The following SGPP2 variants were observed in gnomAD, a reference collection of about 807,000 sequenced individuals.
SGPP2 encodes the protein sphingosine-1-phosphate phosphatase 2, also known as sphingosine 1-phosphate phosphohydrolase 2.
In SGPP2, 30 loss-of-function variants were observed where a neutral mutation model predicts 33.9. The observed-to-expected ratio is 0.89, with a 90% CI of 0.66 to 1.20. The LOEUF is 1.20. Among genes scored for constraint, SGPP2 ranks in the 50% most tolerant of loss-of-function variants. The pLI, the probability that SGPP2 is intolerant of heterozygous loss-of-function variation, is 0.00. For synonymous variants in SGPP2, 233 were observed against 225.0 expected, an observed-to-expected ratio of 1.04 and a Z score of -0.32; for missense variants, 458 against 532.1, an observed-to-expected ratio of 0.86 and a Z score of 1.37.
chr2:222,462,728 G>A (rs1418868571), intron 1 of SGPP2, among the ~76,000 whole-genome samples: 1 of 152,140 alleles, frequency 6.6e-6, no homozygotes, highest in Non-Finnish European at 1.5e-5. Context: ...TGTCTGAGGG[G>A]TGGGACAATG....
chr2:222,430,567 C>A (rs1697138632), intron 1 of SGPP2, among the ~76,000 whole-genome samples: 1 of 152,184 alleles, frequency 6.6e-6, no homozygotes, highest in South Asian at 2.1e-4. Flanking sequence ...GATCCTCCTG[C>A]CTTGGCCTCC....
In SGPP2 at chr2:222,559,213, G is replaced by A; in HGVS notation, c.*315G>A. On this transcript the variant is annotated 3_prime_UTR_variant, in exon 5 of 5. Coordinates refer to ENST00000321276, the MANE Select transcript of SGPP2 (RefSeq NM_152386.4). ...CTCCTCTCGCTGTTGCACGGGCTTT[G>A]GATCTAGTCATGGGCTGGCAGGAAT... 3.5e-6 allele frequency: 1 copy of A among 288,968 alleles called. No homozygotes were observed. Among genetic ancestry groups the A allele is most frequent in the Non-Finnish European group, 6.3e-6 (1 of 159,684 alleles). 17.9% of individuals were successfully genotyped at this position (288,968 alleles called of 1,614,324 possible).
At chr2:222,494,918 A>C (rs1173498067) in intron 2 of SGPP2, among the ~76,000 whole-genome samples, 1 of 152,174 alleles carries the variant, frequency 6.6e-6, no homozygotes, top group Non-Finnish European at 1.5e-5. Flanking sequence ...TTTCCCTTAA[A>C]ATATAAGAGT....
At chr2:222,446,061 C>T (rs1341129448) in intron 1 of SGPP2, among the ~76,000 whole-genome samples, 3 of 152,188 alleles carry the variant, frequency 2.0e-5, no homozygotes, top group Admixed American at 6.5e-5. Flanking sequence ...GAAATAAAGT[C>T]ATGGGTCTAC....
chr2:222,449,292 G>T (rs1432402431), intron 1 of SGPP2, among the ~76,000 whole-genome samples: 1 of 152,130 alleles, frequency 6.6e-6, no homozygotes, highest in African/African-American at 2.4e-5. Flanking sequence ...TTGACATTTT[G>T]ATTGCAGGCT....
chr2:222,425,205 G>A (rs1359391756), intron 1 of SGPP2, among the ~76,000 whole-genome samples: 3 of 136,628 alleles, frequency 2.2e-5, no homozygotes, highest in East Asian at 2.1e-4. Context: ...CCCCACCCCC[G>A]TATTCTTGCA....
intron 2 of SGPP2, among the ~76,000 whole-genome samples, chr2:222,500,507 G>C (rs575123467): frequency 6.6e-6 from 1 of 152,152 alleles, no homozygotes; most frequent in African/African-American, 2.4e-5. Flanking sequence ...CCCTGCTGAC[G>C]GTCACCGTGT....
intron 4 of SGPP2, among the ~76,000 whole-genome samples, chr2:222,538,581 A>G (rs1389310655): frequency 1.3e-5 from 2 of 152,200 alleles, no homozygotes; most frequent in African/African-American, 4.8e-5. Context: ...CCCTTCCTCA[A>G]TTCAATTGTA....
At chr2:222,516,991 C>T (rs1262960565) in intron 2 of SGPP2, among the ~76,000 whole-genome samples, 1 of 152,080 alleles carries the variant, frequency 6.6e-6, no homozygotes, top group Admixed American at 6.5e-5. Context: ...AGCAGTGTGC[C>T]TCACAGTTTA....
chr2:222,535,563 C>T (rs553291745), intron 4 of SGPP2, among the ~76,000 whole-genome samples: 1 of 152,314 alleles, frequency 6.6e-6, no homozygotes, highest in Non-Finnish European at 1.5e-5. Flanking sequence ...TCAGAGGCCC[C>T]TGCGTGGCAG....
chr2:222,435,024 G>GTTTGTATATATA (rs1697215896), intron 1 of SGPP2, among the ~76,000 whole-genome samples: 1 of 18,642 alleles, frequency 5.4e-5, no homozygotes, highest in East Asian at 1.4e-3. Flanking sequence ...ATGTGTATAT[G>GTTTGTATATATA]TGTGTATATA....
rs371309990 is a variant in SGPP2 at position 222,436,154 on chromosome 2, T to G, written c.219+11333T>G. On this transcript the variant is annotated intron_variant, in intron 1 of 4. Coordinates refer to ENST00000321276, the MANE Select transcript of SGPP2 (RefSeq NM_152386.4). Reference sequence around the variant, plus strand: ...CTTTCTTAGCCTGTTGACTTCAAGGTAGGAGGAGCCCAAAGTGTCCAGATG... The same window carrying G: ...CTTTCTTAGCCTGTTGACTTCAAGGGAGGAGGAGCCCAAAGTGTCCAGATG... 1.7e-3 allele frequency among the ~76,000 whole-genome samples: 257 copies of G among 152,298 alleles called. 2 individuals are homozygous for G. In the Middle Eastern group the frequency reaches 0.017, roughly 10 times the overall value.
chr2:222,507,702 A>T (rs982870057), intron 2 of SGPP2, among the ~76,000 whole-genome samples: 1 of 152,132 alleles, frequency 6.6e-6, no homozygotes, highest in South Asian at 2.1e-4. Context: ...CCCACTCCAG[A>T]TCTCAGTTCT....
rs1221278751 is a variant in SGPP2, at chr2:222,467,738, A to G, written c.220-6830A>G. 2.6e-5 allele frequency among the ~76,000 whole-genome samples: 4 copies of G among 152,074 alleles called. No individual in the cohort carries two copies. In the East Asian group the frequency reaches 5.8e-4, roughly 22 times the overall value. On this transcript the variant is annotated intron_variant, in intron 1 of 4. Coordinates refer to ENST00000321276, the MANE Select transcript of SGPP2 (RefSeq NM_152386.4). ...TTGTAAAAGAGCTTTGAATCTTAAC[A>G]TTATCTTAAAATAAGACTGAGTTGT...
rs535183773 is a variant in SGPP2, at chr2:222,470,248, G to T, written c.220-4320G>T. 6.6e-5 allele frequency among the ~76,000 whole-genome samples: 10 copies of T among 152,206 alleles called. No individual in the cohort carries two copies. In the East Asian group the frequency reaches 1.9e-3, roughly 29 times the overall value. ...GCATACCTGTGTAACAAACCTGCAC[G>T]ATCTGCACATGTATCTCAGAATTTA... is the stretch of plus-strand genomic sequence containing the variant. On this transcript the variant is annotated intron_variant, in intron 1 of 4. Transcript: ENST00000321276.
chr2:222,481,870 A>G (rs1274811873), intron 2 of SGPP2, among the ~76,000 whole-genome samples: 1 of 152,234 alleles, frequency 6.6e-6, no homozygotes, highest in Non-Finnish European at 1.5e-5. Flanking sequence ...ACCTAACATC[A>G]AAAGACATAT....
At chr2:222,452,316 A>G (rs1231066657) in intron 1 of SGPP2, 3 of 616,434 alleles carry the variant, frequency 4.9e-6, no homozygotes, top group Non-Finnish European at 8.9e-6. Flanking sequence ...AAAAAGAAAA[A>G]TCCTATGAGG....
chr2:222,473,829 C>T (rs1697887246), intron 1 of SGPP2, among the ~76,000 whole-genome samples: 1 of 151,030 alleles, frequency 6.6e-6, no homozygotes, highest in Non-Finnish European at 1.5e-5. Context: ...GAGGCTGAGG[C>T]AGGAGAATCA....
At chr2:222,482,504 C>T (rs987160907) in intron 2 of SGPP2, among the ~76,000 whole-genome samples, 2 of 152,080 alleles carry the variant, frequency 1.3e-5, no homozygotes, top group Non-Finnish European at 2.9e-5. Context: ...TCAAGTGATC[C>T]TACCACCTCA....
Sources: allele counts gnomAD v4.1 joint callset (sites outside exome capture counted in the v4.1 genomes callset), GRCh38; gene constraint gnomAD v4.1.1; transcripts MANE v1.5; gene names NCBI Gene and HGNC (gene_info 2026-07-23, HGNC 2026-07-21).